Variants in AKAP6 observed in about 807,000 individuals in gnomAD.
AKAP6 encodes A-kinase anchoring protein 6.
A neutral mutation model predicts 188.5 loss-of-function variants in AKAP6; 58 were observed. The ratio of observed to expected loss-of-function variants is 0.31; its 90% CI spans 0.25 to 0.38. The LOEUF is 0.38. AKAP6 is among the 10% of genes least tolerant of loss of function. The pLI is 1.00. For missense variants in AKAP6, 2,710 were observed against 2,740.0 expected (o/e 0.99, Z 0.24); for synonymous variants, 989 against 998.6 (o/e 0.99, Z 0.18).
At chr14:32,558,561 G>A (rs1238056161) in intron 4 of AKAP6, among the ~76,000 whole-genome samples, 3 of 152,208 alleles carry the variant, frequency 2.0e-5, no homozygotes, top group African/African-American at 4.8e-5. Flanking sequence ...TGCCAGGGTG[G>A]AGGGCAAGAA....
intron 11 of AKAP6, among the ~76,000 whole-genome samples, chr14:32,753,848 T>G (rs2032231572): frequency 6.6e-6 from 1 of 152,086 alleles, no homozygotes; most frequent in Admixed American, 6.5e-5. Context: ...GGATTTATTT[T>G]GGGGCTCTCT....
chr14:32,670,991 TA>T (rs1368499644), intron 7 of AKAP6, among the ~76,000 whole-genome samples: 38 of 152,244 alleles, frequency 2.5e-4, no homozygotes, highest in Non-Finnish European at 7.4e-5. Flanking sequence ...GATAAAGCAG[TA>T]AACACATAAA....
intron 1 of AKAP6, among the ~76,000 whole-genome samples, chr14:32,416,268 G>T (rs545613350): frequency 6.6e-6 from 1 of 152,100 alleles, no homozygotes; most frequent in East Asian, 1.9e-4. Context: ...GCAATACCTT[G>T]TAGTTTTGAT....
At chr14:32,706,022 C>T (rs530165195) in intron 9 of AKAP6, among the ~76,000 whole-genome samples, 5 of 152,026 alleles carry the variant, frequency 3.3e-5, no homozygotes, top group South Asian at 4.1e-4. Context: ...GAAATGCAGC[C>T]CTACCATGTG....
At chr14:32,658,641 G>A (rs1888551613) in intron 7 of AKAP6, among the ~76,000 whole-genome samples, 1 of 151,606 alleles carries the variant, frequency 6.6e-6, no homozygotes, top group African/African-American at 2.4e-5. Context: ...TCTCAATTAA[G>A]GCTGAAACTT....
intron 12 of AKAP6, among the ~76,000 whole-genome samples, chr14:32,786,513 A>G (rs1418893895): frequency 6.6e-6 from 1 of 151,090 alleles, no homozygotes; most frequent in Middle Eastern, 3.2e-3. Context: ...TTTAGTAGAG[A>G]TGGGGTTTTA....
Position 32,817,995 on chromosome 14 carries a change from A to G in AKAP6, c.3589-3407A>G, listed in dbSNP as rs118046093. Among the ~76,000 whole-genome samples the G allele has an allele frequency of 6.8e-4, 103 of 152,278 alleles. 2 individuals carry two copies. The East Asian group carries it at 0.018, about 27-fold the overall frequency. ...TTTCCCACTTTCTTGCCCCAGGGGT[A>G]TATTTTATGGTTGAAGTTAAATCCT... On this transcript the variant is annotated intron_variant, in intron 12 of 13. Coordinates refer to ENST00000280979, the MANE Select transcript of AKAP6 (RefSeq NM_004274.5).
intron 8 of AKAP6, among the ~76,000 whole-genome samples, chr14:32,692,470 TCTA>T (rs1890224338): frequency 6.6e-6 from 1 of 152,222 alleles, no homozygotes; most frequent in African/African-American, 2.4e-5. Flanking sequence ...TGATTTAACA[TCTA>T]CTACATATAA....
chr14:32,535,494 T>C, intron 2 of AKAP6, 60 bp from the exon 3 acceptor site: 1 of 1,557,262 alleles, frequency 6.4e-7, no homozygotes, highest in Non-Finnish European at 8.7e-7. Flanking sequence ...TCTACTACCC[T>C]CACCTCCCTC....
At chr14:32,452,964 C>T (rs965868638) in intron 2 of AKAP6, among the ~76,000 whole-genome samples, 15 of 152,076 alleles carry the variant, frequency 9.9e-5, no homozygotes, top group Admixed American at 8.5e-4. Context: ...TGAAGCCATC[C>T]GTTGTTGGAA....
At chr14:32,811,241 G>GAAAAAAAAAAAAAAAAAAAAAA (rs529886144) in intron 12 of AKAP6, among the ~76,000 whole-genome samples, 5 of 55,598 alleles carry the variant, frequency 9.0e-5, no homozygotes, top group Middle Eastern at 9.4e-3. Context: ...TCCGTCTCAG[G>GAAAAAAAAAAAAAAAAAAAAAA]AAAAAAAAAA....
At chr14:32,440,505 C>T (rs1403300885) in intron 2 of AKAP6, among the ~76,000 whole-genome samples, 2 of 151,942 alleles carry the variant, frequency 1.3e-5, no homozygotes, top group African/African-American at 4.8e-5. Context: ...TTAATTAAAA[C>T]CAAGTTCTTG....
At chr14:32,577,631 A>G (rs1162288481) in intron 5 of AKAP6, among the ~76,000 whole-genome samples, 3 of 152,024 alleles carry the variant, frequency 2.0e-5, no homozygotes, top group Admixed American at 6.6e-5. Context: ...TGAACCTCTC[A>G]TTATCAAGAG....
At position 32,546,757 on chromosome 14, in the gene AKAP6, A is replaced by C; in HGVS notation, c.2104A>C (p.Ser702Arg). Residue 702 changes from serine to arginine, a missense_variant, in exon 4 of 14, where the codon AGT becomes CGT. Around this residue, in one of 2 missense-constraint regions of AKAP6, gnomAD observed 2,473 missense variants for 2,426.1 expected, o/e 1.02. Transcript: ENST00000280979. The stretch of plus-strand genomic sequence containing the variant: ...AGGCAGGGTGTCTCCAAGCTCATCT[A>C]GTGACATAGCCTCTTCACTAGGGGA... ...RLGRVSPSSS[S>R]DIASSLGESI... 6.2e-7 allele frequency: 1 copy of C among 1,614,124 alleles called. No individual in the cohort carries two copies. The highest frequency in any genetic ancestry group is 8.5e-7 in the Non-Finnish European group (1 of 1,180,008).
rs989277323 is a variant in AKAP6 at position 32,547,072 on chromosome 14, C to A, written c.2346+73C>A. 4.5e-6 allele frequency: 6 copies of A among 1,318,740 alleles called. No individual in the cohort carries two copies. In the African/African-American group the frequency reaches 5.9e-5, roughly 13 times the overall value. 81.7% of individuals were successfully genotyped at this position (1,318,740 alleles called of 1,614,324 possible). A position where few individuals can be genotyped will look rare whatever the true frequency, so the allele number is the denominator to read the frequency against. On this transcript the variant is annotated intron_variant, in intron 4 of 13. Transcript: ENST00000280979. The stretch of plus-strand genomic sequence containing the variant: ...AGTATTGCTGGGAGAAGGTCACACT[C>A]CTACACTCTATTATAAAATGTATGG...
Position 32,679,074 on chromosome 14 carries a change from C to A in AKAP6, c.2879+615C>A, listed in dbSNP as rs184728089. Among the ~76,000 whole-genome samples the A allele has an allele frequency of 1.9e-4, 29 of 152,212 alleles. No individual in the cohort carries two copies. In the East Asian group the frequency reaches 5.2e-3, roughly 27 times the overall value. On this transcript the variant is annotated intron_variant, in intron 8 of 13. Coordinates refer to ENST00000280979, the MANE Select transcript of AKAP6 (RefSeq NM_004274.5). ...TATACTAACTATTCATACTATTGAA[C>A]AGTCAAGTCACATATTTAGATAATT...
chr14:32,716,846 A>G (rs566055238), intron 9 of AKAP6, among the ~76,000 whole-genome samples: 143 of 152,128 alleles, frequency 9.4e-4, no homozygotes, highest in Non-Finnish European at 1.9e-3. Flanking sequence ...TTGCTTTCAC[A>G]TCGGTAGCAA....
At chr14:32,797,174 T>C (rs1370311060) in intron 12 of AKAP6, among the ~76,000 whole-genome samples, 1 of 152,182 alleles carries the variant, frequency 6.6e-6, no homozygotes, top group Admixed American at 6.6e-5. Flanking sequence ...TTTACACTGT[T>C]GGTGGGAGTG....
Position 32,546,514 on chromosome 14 carries a change from G to T in AKAP6, c.1861G>T (p.Val621Leu). ...PSHVTRNGEV[V>L]EAWYGSDEYL... ...TCACGTCACTAGGAATGGTGAGGTT[G>T]TGGAGGCCTGGTATGGCTCTGATGA... is the stretch of plus-strand genomic sequence containing the variant. The change falls in exon 4 of 14, where the codon GTG becomes TTG. Residue 621 changes from valine to leucine, a missense_variant. By Grantham distance (32) the Val-to-Leu change is conservative. Around this residue, in one of 2 missense-constraint regions of AKAP6, gnomAD observed 2,473 missense variants for 2,426.1 expected, o/e 1.02. Coordinates refer to ENST00000280979, the MANE Select transcript of AKAP6 (RefSeq NM_004274.5). The T allele has an allele frequency of 4.3e-6, 7 of 1,614,186 alleles. No individual in the cohort carries two copies. Among genetic ancestry groups the T allele is most frequent in the Non-Finnish European group, 5.9e-6 (7 of 1,180,028 alleles).
Sources: gnomAD v4.1 joint callset for allele counts (sites outside exome capture counted in the v4.1 genomes callset) on GRCh38, gnomAD v4.1.1 for gene constraint, gnomAD v4.1.1 regional missense constraint, MANE v1.5 for transcripts, NCBI Gene and HGNC (gene_info 2026-07-23, HGNC 2026-07-21) for gene names.